The following OOSP1 variants were observed in gnomAD, a reference collection of about 807,000 sequenced individuals.
The protein encoded by OOSP1 is putative oocyte-secreted protein 1 homolog.
A neutral mutation model predicts 5.7 loss-of-function variants in OOSP1; 11 were observed. The observed-to-expected ratio is 1.94, with a 90% confidence interval of 1.22 to 3.20. OOSP1 has a LOEUF of 3.20. Ranked by LOEUF, OOSP1 falls within the 30% of genes most tolerant of loss-of-function variation. The pLI is 0.00. For synonymous variants in OOSP1, 44 were observed against 20.0 expected, an observed-to-expected ratio of 2.20 and a Z score of -3.20; for missense variants, 83 against 54.1, an observed-to-expected ratio of 1.53 and a Z score of -1.67.
exon 2 of OOSP1, chr11:59,942,926 C>T (rs773518988): frequency 4.8e-5 from 34 of 702,872 alleles, no homozygotes; most frequent in East Asian, 2.4e-4. Context: ...ATGTGAACCC[C>T]GATGAAGTGT....
At chr11:59,947,842 A>G (rs1853901727) in exon 4 of OOSP1, 1 of 398,760 alleles carries the variant, frequency 2.5e-6, no homozygotes, top group Non-Finnish European at 4.4e-6. Flanking sequence ...CATGGGCAGT[A>G]ACTTCTGCAA....
chr11:59,940,476 C>T (rs1853813800), intron 1 of OOSP1, among the ~76,000 whole-genome samples: 1 of 152,172 alleles, frequency 6.6e-6, no homozygotes. Context: ...GTTTCGCAGG[C>T]ATTTATCTTC....
chr11:59,947,301 T>A (rs1853894590), intron 3 of OOSP1, among the ~76,000 whole-genome samples: 1 of 152,166 alleles, frequency 6.6e-6, no homozygotes, highest in African/African-American at 2.4e-5. Flanking sequence ...TTTTTTTGAT[T>A]TTTAAGTGGT....
chr11:59,949,343 G>C (rs1853916588), intron 4 of OOSP1, among the ~76,000 whole-genome samples: 1 of 152,074 alleles, frequency 6.6e-6, no homozygotes, highest in South Asian at 2.1e-4. Context: ...GAATACTTGG[G>C]TGAGGGTTGT....
At chr11:59,941,119 T>C (rs145669671) in intron 1 of OOSP1, among the ~76,000 whole-genome samples, 121 of 152,352 alleles carry the variant, frequency 7.9e-4, no homozygotes, top group African/African-American at 2.6e-3. Flanking sequence ...TCTCCATTTC[T>C]ACAATTTTGT....
At chr11:59,941,293 T>C (rs1244816362) in intron 1 of OOSP1, among the ~76,000 whole-genome samples, 1 of 152,134 alleles carries the variant, frequency 6.6e-6, no homozygotes, top group African/African-American at 2.4e-5. Context: ...GATTGTACCA[T>C]GGTTTGTTTA....
intron 4 of OOSP1, chr11:59,948,846 T>C: frequency 2.5e-6 from 1 of 397,750 alleles, no homozygotes; most frequent in South Asian, 1.3e-4. Flanking sequence ...ATGTGCTATT[T>C]TGTGAAAATC....
chr11:59,949,530 G>A (rs900968065), intron 4 of OOSP1, among the ~76,000 whole-genome samples: 3 of 152,040 alleles, frequency 2.0e-5, no homozygotes, highest in Non-Finnish European at 2.9e-5. Flanking sequence ...GGGAACAGCT[G>A]ATGTAAAGTC....
chr11:59,955,920 C>G (rs913030764), intron 4 of OOSP1, among the ~76,000 whole-genome samples: 5 of 152,200 alleles, frequency 3.3e-5, no homozygotes, highest in African/African-American at 7.2e-5. Flanking sequence ...GCATGGGCCA[C>G]TGTGCCTGGC....
At chr11:59,941,464 C>G (rs745861361) in intron 1 of OOSP1, among the ~76,000 whole-genome samples, 2 of 152,072 alleles carry the variant, frequency 1.3e-5, no homozygotes, top group Admixed American at 6.6e-5. Flanking sequence ...ACTGCAACCT[C>G]TGCCTCCCAG....
At chr11:59,945,230 T>C (rs1399515226) in exon 3 of OOSP1, 1 of 703,042 alleles carries the variant, frequency 1.4e-6, no homozygotes, top group African/African-American at 1.7e-5. Flanking sequence ...GACTCTACTG[T>C]CCGATCTGAA....
At chr11:59,947,519 C>T (rs1292292889) in intron 3 of OOSP1, among the ~76,000 whole-genome samples, 4 of 152,068 alleles carry the variant, frequency 2.6e-5, no homozygotes, top group East Asian at 1.9e-4. Context: ...AAGAAGTGAA[C>T]CCAGAAGTCT....
intron 4 of OOSP1, among the ~76,000 whole-genome samples, chr11:59,949,540 C>T (rs1853919175): frequency 6.6e-6 from 1 of 151,846 alleles, no homozygotes; most frequent in African/African-American, 2.4e-5. Context: ...GATGTAAAGT[C>T]ACTGAGTGTT....
intron 4 of OOSP1, among the ~76,000 whole-genome samples, chr11:59,950,341 C>T (rs929086135): frequency 6.6e-6 from 1 of 152,132 alleles, no homozygotes; most frequent in Admixed American, 6.6e-5. Flanking sequence ...AAGGTCCAGA[C>T]TGGATGTAGA....
chr11:59,947,060 A>G (rs866389606), intron 3 of OOSP1, among the ~76,000 whole-genome samples: 3 of 152,242 alleles, frequency 2.0e-5, no homozygotes, highest in Middle Eastern at 3.4e-3. Flanking sequence ...AGTGTGATAT[A>G]TTTGGCAGGA....
chr11:59,955,369 A>G (rs776575377), intron 4 of OOSP1, among the ~76,000 whole-genome samples: 1 of 152,222 alleles, frequency 6.6e-6, no homozygotes, highest in African/African-American at 2.4e-5. Context: ...CTACAATACT[A>G]TGAATCTGGC....
intron 3 of OOSP1, among the ~76,000 whole-genome samples, chr11:59,945,612 T>C (rs940259057): frequency 2.0e-5 from 3 of 148,770 alleles, no homozygotes; most frequent in Non-Finnish European, 3.0e-5. Flanking sequence ...TAGCTGGGCA[T>C]GGTGGGGGGT....
intron 1 of OOSP1, among the ~76,000 whole-genome samples, chr11:59,941,013 A>T (rs111662712): frequency 7.4e-4 from 113 of 152,346 alleles, no homozygotes; most frequent in Non-Finnish European, 1.2e-3. Flanking sequence ...TGTAATCAGG[A>T]TGCCACTTTT....
chr11:59,948,389 TA>T (rs1853908240), intron 4 of OOSP1, among the ~76,000 whole-genome samples: 2 of 152,288 alleles, frequency 1.3e-5, no homozygotes, highest in East Asian at 1.9e-4. Flanking sequence ...TGGCTATTAA[TA>T]AAAGGATGGA....
Sources: allele counts gnomAD v4.1 joint callset (sites outside exome capture counted in the v4.1 genomes callset), GRCh38; gene constraint gnomAD v4.1.1; transcripts MANE v1.5; gene names NCBI Gene and HGNC (gene_info 2026-07-23, HGNC 2026-07-21).